CHSY3: variants seen among roughly 807,000 people sequenced by gnomAD.
CHSY3 encodes chondroitin sulfate synthase 3, also known as N-acetylgalactosaminyl-proteoglycan 3-beta-glucuronosyltransferase 3.
Under a neutral mutation model 67.2 loss-of-function variants are expected in CHSY3, and 35 were observed. The ratio of observed to expected loss-of-function variants is 0.52; its 90% confidence interval spans 0.40 to 0.69. The LOEUF (loss-of-function observed/expected upper bound fraction) is 0.69. CHSY3 is among the 30% of genes least tolerant of loss of function. The probability of loss-of-function intolerance (pLI) is 0.00; values close to 1 mark genes in which losing one functional copy is unlikely to be tolerated. For synonymous variants in CHSY3, 474 were observed against 434.7 expected (o/e 1.09, Z -1.12); for missense variants, 1,069 against 1,138.5 (o/e 0.94, Z 0.88).
At position 130,185,862 on chromosome 5, in the gene CHSY3, GTATTATTGTTATTTTATTAT is replaced by G; in HGVS notation, c.*84_*103del. On this transcript the variant is annotated 3_prime_UTR_variant, in exon 3 of 3. Coordinates refer to ENST00000305031, the MANE Select transcript of CHSY3 (RefSeq NM_175856.5). ...ATTGTTGGTTGTTGTTATTTTTATTGTATTATTGTTATTTTATTATTATTATTGTTATAATTTTATTTTGT... is the reference window on the plus strand; with the variant it reads ...ATTGTTGGTTGTTGTTATTTTTATTGTATTATTGTTATAATTTTATTTTGT... 1 of 829,360 alleles carries G rather than the reference GTATTATTGTTATTTTATTAT, an allele frequency of 1.2e-6. No individual in the cohort carries two copies. 51.4% of individuals were successfully genotyped at this position (829,360 alleles called of 1,614,324 possible).
At chr5:130,017,862 T>C (rs1475780162) in intron 2 of CHSY3, among the ~76,000 whole-genome samples, 1 of 152,112 alleles carries the variant, frequency 6.6e-6, no homozygotes, top group Admixed American at 6.6e-5. Flanking sequence ...CAGCTTTGTT[T>C]GCATTTTCTT....
intron 2 of CHSY3, among the ~76,000 whole-genome samples, chr5:129,956,294 C>T (rs556679845): frequency 6.6e-6 from 1 of 152,138 alleles, no homozygotes; most frequent in Non-Finnish European, 1.5e-5. Context: ...ATTTTCATTT[C>T]TCTAACAATC....
chr5:130,066,427 A>G (rs1385865034), intron 2 of CHSY3, among the ~76,000 whole-genome samples: 1 of 152,118 alleles, frequency 6.6e-6, no homozygotes, highest in Non-Finnish European at 1.5e-5. Context: ...ACGATTAATT[A>G]GTAGCAGGAT....
At chr5:129,973,703 T>C (rs1035446372) in intron 2 of CHSY3, among the ~76,000 whole-genome samples, 5 of 152,136 alleles carry the variant, frequency 3.3e-5, no homozygotes, top group African/African-American at 1.2e-4. Flanking sequence ...AGAGGAATGA[T>C]GAGCTGCATC....
intron 2 of CHSY3, among the ~76,000 whole-genome samples, chr5:130,032,331 T>C (rs75339742): frequency 0.016 from 2,421 of 152,284 alleles, 52 homozygotes; most frequent in African/African-American, 0.054. Flanking sequence ...TTAGATTATA[T>C]GTATTATCAT....
At chr5:129,978,925 G>A (rs1459124725) in intron 2 of CHSY3, among the ~76,000 whole-genome samples, 4 of 151,884 alleles carry the variant, frequency 2.6e-5, no homozygotes, top group African/African-American at 4.8e-5. Context: ...TTGGCCGGGC[G>A]TGGTGGCTCA....
chr5:130,014,376 TAAAGA>T (rs2149648986), intron 2 of CHSY3, among the ~76,000 whole-genome samples: 1 of 152,298 alleles, frequency 6.6e-6, no homozygotes, highest in Admixed American at 6.5e-5. Flanking sequence ...GGGTAATTTA[TAAAGA>T]AAAGAGGTTT....
intron 2 of CHSY3, among the ~76,000 whole-genome samples, chr5:130,090,469 T>G (rs1174901415): frequency 6.6e-6 from 1 of 152,136 alleles, no homozygotes; most frequent in Non-Finnish European, 1.5e-5. Context: ...GAGGTCACAT[T>G]CAGGAAAACA....
rs139863667 is a variant in CHSY3, at chr5:130,058,290, G to T, written c.1087-125939G>T. Among the ~76,000 whole-genome samples the T allele has an allele frequency of 4.3e-3, 658 of 152,192 alleles. 5 individuals are homozygous for T. Among genetic ancestry groups the T allele is most frequent in the African/African-American group, 0.014 (592 of 41,518 alleles). Reference sequence around the variant, plus strand: ...CTTTAAGTATGGGTAGGTGAAAAATGGACAAGGAAAGATGATATCATACAA... The same window carrying T: ...CTTTAAGTATGGGTAGGTGAAAAATTGACAAGGAAAGATGATATCATACAA... On this transcript the variant is annotated intron_variant, in intron 2 of 2. Coordinates refer to ENST00000305031, the MANE Select transcript of CHSY3 (RefSeq NM_175856.5).
chr5:130,076,935 T>A (rs576062998), intron 2 of CHSY3, among the ~76,000 whole-genome samples: 4 of 117,200 alleles, frequency 3.4e-5, no homozygotes, highest in Non-Finnish European at 7.0e-5. Flanking sequence ...CTTCACACTC[T>A]GGGGACTGTT....
intron 2 of CHSY3, among the ~76,000 whole-genome samples, chr5:130,038,090 A>C (rs1764910288): frequency 6.6e-6 from 1 of 152,082 alleles, no homozygotes. Flanking sequence ...CTGTATTAGC[A>C]GGTTAATTTC....
At chr5:130,031,337 CT>C (rs1405915377) in intron 2 of CHSY3, among the ~76,000 whole-genome samples, 5 of 152,006 alleles carry the variant, frequency 3.3e-5, no homozygotes, top group Non-Finnish European at 7.4e-5. Flanking sequence ...TTATCTCATA[CT>C]TTAATGGATT....
At chr5:130,012,486 G>A (rs1344741113) in intron 2 of CHSY3, among the ~76,000 whole-genome samples, 2 of 152,148 alleles carry the variant, frequency 1.3e-5, no homozygotes, top group African/African-American at 4.8e-5. Flanking sequence ...ATAAAGAAAA[G>A]AGGTTTAATT....
At chr5:130,096,316 C>T (rs1269111442) in intron 2 of CHSY3, among the ~76,000 whole-genome samples, 2 of 152,118 alleles carry the variant, frequency 1.3e-5, no homozygotes, top group East Asian at 1.9e-4. Context: ...AGACTACAGG[C>T]GCATGCTACC....
chr5:130,040,046 G>A (rs982749488), intron 2 of CHSY3, among the ~76,000 whole-genome samples: 2 of 152,108 alleles, frequency 1.3e-5, no homozygotes, highest in African/African-American at 2.4e-5. Flanking sequence ...GGAACGTGAA[G>A]GGTGTGACTG....
At chr5:130,116,693 A>T (rs980814485) in intron 2 of CHSY3, among the ~76,000 whole-genome samples, 3 of 152,182 alleles carry the variant, frequency 2.0e-5, no homozygotes, top group Admixed American at 1.3e-4. Flanking sequence ...GTGAGATCCC[A>T]CAGAGCCCAT....
chr5:130,170,438 G>A (rs1224959298), intron 2 of CHSY3, among the ~76,000 whole-genome samples: 2 of 152,062 alleles, frequency 1.3e-5, no homozygotes, highest in Non-Finnish European at 2.9e-5. Flanking sequence ...ACAATGCTGT[G>A]ATTAACATAC....
chr5:130,067,904 AC>A (rs1346598363), intron 2 of CHSY3, among the ~76,000 whole-genome samples: 1 of 152,190 alleles, frequency 6.6e-6, no homozygotes, highest in African/African-American at 2.4e-5. Flanking sequence ...TAAATGTAGA[AC>A]TTTTTACAAA....
At chr5:130,096,933 C>T (rs1767068372) in intron 2 of CHSY3, among the ~76,000 whole-genome samples, 2 of 152,144 alleles carry the variant, frequency 1.3e-5, no homozygotes, top group South Asian at 2.1e-4. Context: ...GACTCTTTCT[C>T]CTCCTATATT....
Sources: gnomAD v4.1 joint callset for allele counts (sites outside exome capture counted in the v4.1 genomes callset) on GRCh38, gnomAD v4.1.1 for gene constraint, MANE v1.5 for transcripts, NCBI Gene and HGNC (gene_info 2026-07-23, HGNC 2026-07-21) for gene names.